Variants in DENND6A observed in about 807,000 individuals in gnomAD.
DENND6A encodes DENN domain containing 6A.
DENND6A carries 43 observed loss-of-function variants against 95.5 expected under a neutral mutation model. The observed-to-expected ratio is 0.45, with a 90% CI of 0.35 to 0.58. The LOEUF (loss-of-function observed/expected upper bound fraction) is 0.58. Ranked by LOEUF, DENND6A falls within the 20% of genes least tolerant of loss-of-function variation. The pLI is 0.00. For synonymous variants in DENND6A, 257 were observed against 260.4 expected, an observed-to-expected ratio of 0.99 and a Z score of 0.13; for missense variants, 574 against 736.0, an observed-to-expected ratio of 0.78 and a Z score of 2.55.
At chr3:57,649,923 A>T (rs1283189052) in intron 9 of DENND6A, among the ~76,000 whole-genome samples, 1 of 39,048 alleles carries the variant, frequency 2.6e-5, no homozygotes, top group Non-Finnish European at 4.6e-5. Context: ...GTATATATAT[A>T]CACACACACA....
intron 9 of DENND6A, among the ~76,000 whole-genome samples, chr3:57,655,097 G>A (rs1474818366): frequency 1.3e-5 from 2 of 151,020 alleles, no homozygotes; most frequent in South Asian, 2.1e-4. Context: ...GCAGTGGCAC[G>A]ATCTCAGCTC....
In DENND6A at chr3:57,634,588, T is replaced by C; in HGVS notation, c.1233A>G (p.Arg411=). The change falls in exon 14 of 20, where the codon AGA becomes AGG. Residue 411 remains arginine (R), a synonymous_variant. Coordinates refer to ENST00000311128, the MANE Select transcript of DENND6A (RefSeq NM_152678.3). ...VYTSYKPYLN[R]DEEIIKQLQK... ...GTAATTGTTTTATGATCTCTTCATC[T>C]CTATTTAAATATGGCTTATATGAAG... The C allele has an allele frequency of 1.4e-6, 2 of 1,453,600 alleles. No homozygotes were observed. 90.0% of individuals were successfully genotyped at this position (1,453,600 alleles called of 1,614,324 possible). A position where few individuals can be genotyped will look rare whatever the true frequency, so the allele number is the denominator to read the frequency against.
At chr3:57,655,656 A>G (rs2071310421) in intron 9 of DENND6A, among the ~76,000 whole-genome samples, 1 of 152,216 alleles carries the variant, frequency 6.6e-6, no homozygotes, top group South Asian at 2.1e-4. Flanking sequence ...GGCTATGTGT[A>G]TAAGGTGTAT....
intron 1 of DENND6A, among the ~76,000 whole-genome samples, chr3:57,673,417 TG>T (rs1477757248): frequency 1.3e-5 from 2 of 151,706 alleles, no homozygotes; most frequent in Non-Finnish European, 2.9e-5. Flanking sequence ...TACCAGAGGC[TG>T]GGAAGAGTAG....
Position 57,659,929 on chromosome 3 carries a change from G to A in DENND6A, c.700-749C>T, listed in dbSNP as rs184962733. The stretch of plus-strand genomic sequence containing the variant: ...CATATCACTCATCTCTGGAGGCACT[G>A]GCAGGGCCATGGAATTGCAGAACTC... On this transcript the variant is annotated intron_variant, in intron 7 of 19. Transcript: ENST00000311128. Among the ~76,000 whole-genome samples the A allele has an allele frequency of 3.9e-5, 6 of 152,300 alleles. No homozygotes were observed. The East Asian group carries it at 1.2e-3, about 29-fold the overall frequency.
chr3:57,639,767 C>G (rs997724254), intron 12 of DENND6A, among the ~76,000 whole-genome samples: 2 of 151,964 alleles, frequency 1.3e-5, no homozygotes, highest in South Asian at 2.1e-4. Flanking sequence ...CAAGATGAAG[C>G]CCTTTGCTTT....
chr3:57,681,356 C>A (rs552044647), intron 1 of DENND6A, among the ~76,000 whole-genome samples: 1 of 151,764 alleles, frequency 6.6e-6, no homozygotes, highest in Non-Finnish European at 1.5e-5. Context: ...CCCAGCTACT[C>A]GGGAGGCTAA....
At chr3:57,644,101 G>C (rs2071011921) in intron 11 of DENND6A, among the ~76,000 whole-genome samples, 1 of 148,384 alleles carries the variant, frequency 6.7e-6, no homozygotes, top group East Asian at 2.0e-4. Flanking sequence ...AGTAAACCAA[G>C]ATGGCGCCAT....
At chr3:57,641,490 A>G (rs2070936717) in intron 12 of DENND6A, among the ~76,000 whole-genome samples, 163 bp downstream of exon 12, 1 of 150,966 alleles carries the variant, frequency 6.6e-6, no homozygotes, top group South Asian at 2.1e-4. Context: ...TACATATTAT[A>G]AGAGCCTGCA....
At chr3:57,676,083 A>G (rs2071703975) in intron 1 of DENND6A, among the ~76,000 whole-genome samples, 2 of 152,104 alleles carry the variant, frequency 1.3e-5, no homozygotes, top group Admixed American at 6.6e-5. Flanking sequence ...TCTCAAAAAA[A>G]AAAGTCCTTC....
At chr3:57,629,507 CTTTTT>C (rs1165802821) in intron 18 of DENND6A, among the ~76,000 whole-genome samples, 1 of 98,228 alleles carries the variant, frequency 1.0e-5, no homozygotes, top group Non-Finnish European at 2.0e-5. Flanking sequence ...AATCAGTCCG[CTTTTT>C]TTTTTTTTTT....
chr3:57,630,956 A>G lies in DENND6A; in HGVS notation c.1376T>C (p.Met459Thr). 6.2e-7 allele frequency: 1 copy of G among 1,613,466 alleles called. No individual in the cohort carries two copies. Among genetic ancestry groups the G allele is most frequent in the East Asian group, 2.2e-5 (1 of 44,844 alleles). ...IPLERYVASL[M>T]PLQKSISPWK... ...TGGGGAAATACTTTTCTGCAAAGGC[A>G]TCAAGCTTGCCACATATCTTTCCTA... The change falls in exon 16 of 20, where the codon ATG becomes ACG. Residue 459 changes from methionine (M) to threonine (T), a missense_variant. By Grantham distance (81) the Met-to-Thr change is moderately conservative. This residue lies in a region of DENND6A where 452 missense variants were observed against 630.9 expected (regional missense o/e 0.72). Coordinates refer to ENST00000311128, the MANE Select transcript of DENND6A (RefSeq NM_152678.3).
In DENND6A at chr3:57,672,364, T is replaced by C. The variant is rs776549840; in HGVS notation, c.276+36A>G. 6.2e-6 allele frequency: 10 copies of C among 1,611,138 alleles called. No homozygotes were observed. In the Middle Eastern group the frequency reaches 6.8e-4, roughly 109 times the overall value. On this transcript the variant is annotated intron_variant, in intron 2 of 19. Transcript: ENST00000311128. ...TAATCAATAAAAACAAACAGAAATA[T>C]AACAGTAAACTATACAGAGCAGTAT...
At chr3:57,633,422 A>T (rs2070727436) in intron 14 of DENND6A, 68 bp from the exon 15 acceptor site, 18 of 1,248,514 alleles carry the variant, frequency 1.4e-5, no homozygotes, top group Middle Eastern at 2.0e-4. Flanking sequence ...TAACTATCAG[A>T]TTCAATTGCT....
intron 3 of DENND6A, among the ~76,000 whole-genome samples, chr3:57,670,060 T>C (rs1273935541): frequency 6.7e-6 from 1 of 150,030 alleles, no homozygotes; most frequent in Non-Finnish European, 1.5e-5. Flanking sequence ...AAAAAATCTG[T>C]AGGTCATTCA....
intron 1 of DENND6A, among the ~76,000 whole-genome samples, chr3:57,683,207 A>G (rs1180362976): frequency 1.3e-5 from 2 of 152,160 alleles, no homozygotes; most frequent in African/African-American, 4.8e-5. Flanking sequence ...TTAGGTAGGA[A>G]TTCACTAAAT....
chr3:57,648,102 TA>T (rs2153414100), intron 9 of DENND6A, among the ~76,000 whole-genome samples: 1 of 152,262 alleles, frequency 6.6e-6, no homozygotes, highest in Non-Finnish European at 1.5e-5. Context: ...ATCATATACC[TA>T]GAAAACCTTA....
intron 1 of DENND6A, among the ~76,000 whole-genome samples, chr3:57,681,415 G>A (rs2077163268): frequency 2.0e-5 from 3 of 151,846 alleles, no homozygotes; most frequent in Non-Finnish European, 4.4e-5. Context: ...AGTGAGCCGA[G>A]ATCACGCCAC....
At chr3:57,633,754 G>T (rs1325782224) in intron 14 of DENND6A, among the ~76,000 whole-genome samples, 5 of 151,762 alleles carry the variant, frequency 3.3e-5, no homozygotes, top group Admixed American at 1.3e-4. Context: ...GCTGGGTGTG[G>T]TGGCGGGCAC....
Sources: allele counts gnomAD v4.1 joint callset (sites outside exome capture counted in the v4.1 genomes callset), GRCh38; gene constraint gnomAD v4.1.1; regional missense constraint gnomAD v4.1.1; transcripts MANE v1.5; gene names NCBI Gene and HGNC (gene_info 2026-07-23, HGNC 2026-07-21).